Variants in SMG6 observed in about 807,000 individuals in gnomAD.
The protein encoded by SMG6 is telomerase-binding protein EST1A.
A neutral mutation model predicts 142.2 loss-of-function variants in SMG6; 66 were observed. The observed-to-expected ratio is 0.46, with a 90% CI of 0.38 to 0.57. SMG6 has a LOEUF of 0.57. SMG6 is among the 20% of genes least tolerant of loss of function. The pLI is 0.00. For missense variants in SMG6, 1,793 were observed against 1,832.0 expected, an observed-to-expected ratio of 0.98 and a Z score of 0.39; for synonymous variants, 779 against 702.4, an observed-to-expected ratio of 1.11 and a Z score of -1.72.
At chr17:2,126,881 TA>T in intron 13 of SMG6, among the ~76,000 whole-genome samples, 1 of 150,464 alleles carries the variant, frequency 6.6e-6, no homozygotes, top group Admixed American at 6.6e-5. Flanking sequence ...GGGGAGACCC[TA>T]TTTCTACACA....
intron 13 of SMG6, chr17:2,087,006 C>A (rs975064859): frequency 7.8e-7 from 1 of 1,288,744 alleles, no homozygotes; most frequent in African/African-American, 1.5e-5. Flanking sequence ...AATGCATCCT[C>A]GTTTCTTAGT....
At chr17:2,296,195 G>A (rs72819593) in intron 4 of SMG6, among the ~76,000 whole-genome samples, 39,333 of 152,032 alleles carry the variant, frequency 0.26, 6,569 homozygotes, top group Admixed American at 0.36. Context: ...TGACCTAGTC[G>A]CTTCCCACTT....
Position 2,065,682 on chromosome 17 carries a change from G to A in SMG6, c.3836-3C>T, listed in dbSNP as rs376167796. On this transcript the variant is annotated splice_polypyrimidine_tract_variant and splice_region_variant and intron_variant, in intron 16 of 18. Coordinates refer to ENST00000263073, the MANE Select transcript of SMG6 (RefSeq NM_017575.5). Reference sequence around the variant, plus strand: ...CAGGCCGTCCAGCTCATTGATCACTGATGAGATAGAGCCCCACAAGGTATC... The same window carrying A: ...CAGGCCGTCCAGCTCATTGATCACTAATGAGATAGAGCCCCACAAGGTATC... 15 of 1,609,682 alleles carry A rather than the reference G, an allele frequency of 9.3e-6. No homozygotes were observed. The highest frequency in any genetic ancestry group is 1.3e-5 in the Non-Finnish European group (15 of 1,178,434).
intron 13 of SMG6, among the ~76,000 whole-genome samples, chr17:2,090,624 G>C (rs1276792077): frequency 6.6e-6 from 1 of 152,156 alleles, no homozygotes; most frequent in African/African-American, 2.4e-5. Context: ...TTCTTTTTCT[G>C]AATTTTTGGT....
chr17:2,128,532 T>C (rs1235672981), intron 13 of SMG6, among the ~76,000 whole-genome samples: 3 of 152,106 alleles, frequency 2.0e-5, no homozygotes, highest in African/African-American at 7.2e-5. Flanking sequence ...TTATGCTGTA[T>C]TCTGTATGCC....
chr17:2,270,428 G>A (rs767834401), intron 8 of SMG6, among the ~76,000 whole-genome samples: 3 of 152,040 alleles, frequency 2.0e-5, no homozygotes, highest in South Asian at 2.1e-4. Flanking sequence ...GCAACACAGC[G>A]AGACCCTTCC....
chr17:2,127,883 T>C, intron 13 of SMG6: 1 of 564,746 alleles, frequency 1.8e-6, no homozygotes. Flanking sequence ...TTGGTGGCCA[T>C]ATCTTTGTAG....
intron 13 of SMG6, among the ~76,000 whole-genome samples, chr17:2,092,725 A>G (rs1164766155): frequency 3.3e-5 from 5 of 152,278 alleles, no homozygotes; most frequent in African/African-American, 1.2e-4. Flanking sequence ...TATAAAAAAC[A>G]GGGCCATTCT....
At chr17:2,246,871 G>A (rs1191226066) in intron 8 of SMG6, among the ~76,000 whole-genome samples, 4 of 152,268 alleles carry the variant, frequency 2.6e-5, no homozygotes, top group Middle Eastern at 6.8e-3. Context: ...GCTTGAACCC[G>A]GGAGGCAGAG....
At chr17:2,083,665 G>A (rs115482560) in intron 14 of SMG6, among the ~76,000 whole-genome samples, 63 of 152,356 alleles carry the variant, frequency 4.1e-4, no homozygotes, top group African/African-American at 1.4e-3. Flanking sequence ...TGTTCATGAG[G>A]TTAACCCAGA....
chr17:2,112,111 A>G (rs964565815), intron 13 of SMG6, among the ~76,000 whole-genome samples: 2 of 151,982 alleles, frequency 1.3e-5, no homozygotes, highest in Non-Finnish European at 2.9e-5. Context: ...TGGTAGGTAT[A>G]GTCTTCATTA....
chr17:2,129,730 G>A (rs2070038155), intron 13 of SMG6, among the ~76,000 whole-genome samples: 1 of 134,622 alleles, frequency 7.4e-6, no homozygotes, highest in African/African-American at 2.7e-5. Context: ...GGAGGTGGAG[G>A]TTGCAATGAG....
chr17:2,277,508 C>T lies in SMG6; in HGVS notation c.2661+5139G>A, dbSNP rs146578512. Among the ~76,000 whole-genome samples the T allele has an allele frequency of 5.1e-3, 783 of 152,224 alleles. 4 individuals carry two copies. The highest frequency in any genetic ancestry group is 0.018 in the African/African-American group (743 of 41,544). On this transcript the variant is annotated intron_variant, in intron 8 of 18. Transcript: ENST00000263073. The stretch of plus-strand genomic sequence containing the variant: ...ACCATTTCACATGTATAAAATTGTA[C>T]AACAGTTTTAAATCAGGCTCCTATC...
At chr17:2,289,941 C>CATATAT (rs3055883) in intron 6 of SMG6, among the ~76,000 whole-genome samples, 4,380 of 141,460 alleles carry the variant, frequency 0.031, 192 homozygotes, top group African/African-American at 0.1. Flanking sequence ...TTATTTTATA[C>CATATAT]ATATATATAT....
At chr17:2,123,525 A>G (rs944543434) in intron 13 of SMG6, among the ~76,000 whole-genome samples, 7 of 152,192 alleles carry the variant, frequency 4.6e-5, no homozygotes, top group Non-Finnish European at 8.8e-5. Flanking sequence ...TGATGAATTA[A>G]ATCTTGGCAA....
intron 13 of SMG6, among the ~76,000 whole-genome samples, chr17:2,144,651 A>C (rs2070604667): frequency 6.6e-6 from 1 of 152,052 alleles, no homozygotes; most frequent in Non-Finnish European, 1.5e-5. Context: ...TTTTCCAGAG[A>C]GGACTTGTCT....
intron 15 of SMG6, among the ~76,000 whole-genome samples, chr17:2,076,425 T>G (rs150915865): frequency 6.6e-6 from 1 of 152,172 alleles, no homozygotes; most frequent in Non-Finnish European, 1.5e-5. Context: ...TCCTTGGATT[T>G]TCCCCCCTTA....
At chr17:2,113,110 T>G (rs1442232636) in intron 13 of SMG6, among the ~76,000 whole-genome samples, 1 of 151,742 alleles carries the variant, frequency 6.6e-6, no homozygotes, top group Admixed American at 6.6e-5. Context: ...CAGGCTGGAG[T>G]GCAGTGGCAT....
chr17:2,208,360 C>A (rs2072751018), intron 10 of SMG6, among the ~76,000 whole-genome samples: 1 of 152,126 alleles, frequency 6.6e-6, no homozygotes, highest in Admixed American at 6.6e-5. Context: ...GTATTTCTAC[C>A]TGTAGAAATA....
Sources: allele counts gnomAD v4.1 joint callset (sites outside exome capture counted in the v4.1 genomes callset), GRCh38; gene constraint gnomAD v4.1.1; transcripts MANE v1.5; gene names NCBI Gene and HGNC (gene_info 2026-07-23, HGNC 2026-07-21).